The following CPVL variants were observed in gnomAD, a reference collection of about 807,000 sequenced individuals.
The protein encoded by CPVL is carboxypeptidase vitellogenic like.
A neutral mutation model predicts 63.7 loss-of-function variants in CPVL; 51 were observed. That is an observed-to-expected ratio of 0.80 (90% CI 0.64 to 1.01). CPVL has a LOEUF of 1.01. CPVL is among the 50% of genes least tolerant of loss of function. The probability of loss-of-function intolerance (pLI) is 0.00; values close to 1 mark genes in which losing one functional copy is unlikely to be tolerated. For missense variants in CPVL, 530 were observed against 573.1 expected, an observed-to-expected ratio of 0.92 and a Z score of 0.77; for synonymous variants, 195 against 206.0, an observed-to-expected ratio of 0.95 and a Z score of 0.46.
chr7:29,040,718 A>G (rs1235963345), intron 11 of CPVL, among the ~76,000 whole-genome samples: 1 of 152,152 alleles, frequency 6.6e-6, no homozygotes, highest in Non-Finnish European at 1.5e-5. Context: ...TTTTGTCAAG[A>G]TGAATAAAGA....
intron 5 of CPVL, among the ~76,000 whole-genome samples, chr7:29,169,991 C>T (rs1769879861): frequency 6.6e-6 from 1 of 151,984 alleles, no homozygotes; most frequent in Admixed American, 6.6e-5. Flanking sequence ...ATCCTCCTGC[C>T]TCTGCCTCCT....
At chr7:29,023,106 G>C (rs1386240107) in intron 12 of CPVL, among the ~76,000 whole-genome samples, 3 of 152,236 alleles carry the variant, frequency 2.0e-5, no homozygotes, top group Admixed American at 2.0e-4. Flanking sequence ...CTGCCCAGGA[G>C]TTCAGTGATC....
chr7:29,102,717 A>G (rs139950068), intron 3 of CPVL, among the ~76,000 whole-genome samples: 10 of 152,282 alleles, frequency 6.6e-5, no homozygotes, highest in African/African-American at 1.9e-4. Context: ...GCTTTGCCTC[A>G]GAAGCCCTTT....
At chr7:29,195,212 G>A (rs1584688913) in exon 1 of CPVL, 10 of 472,478 alleles carry the variant, frequency 2.1e-5, no homozygotes, top group Non-Finnish European at 3.7e-5. Flanking sequence ...GAGCGGTGGT[G>A]CCCTTAGTGT....
At chr7:29,127,552 T>A (rs558531623) in intron 1 of CPVL, 1 of 152,266 alleles carries the variant, frequency 6.6e-6, no homozygotes, top group East Asian at 1.9e-4. Context: ...CACAACATGA[T>A]AACCCAAAAT....
chr7:29,147,534 A>G (rs1172455538), upstream of CPVL, among the ~76,000 whole-genome samples: 2 of 152,220 alleles, frequency 1.3e-5, no homozygotes, highest in Non-Finnish European at 2.9e-5. Flanking sequence ...GTTTTCTCCT[A>G]AGTACCTACT....
rs571532852 is a variant in CPVL at position 29,002,757 on chromosome 7, C to T, written c.1321-6875G>A. 4.0e-5 allele frequency among the ~76,000 whole-genome samples: 6 copies of T among 150,562 alleles called. No homozygotes were observed. The South Asian group carries it at 1.3e-3, about 32-fold the overall frequency. Reference sequence around the variant, plus strand: ...TGTTCATTGAAATTAAGAACTCGATCGATGTTTTAGCAATAGATTAGGCAT... The same window carrying T: ...TGTTCATTGAAATTAAGAACTCGATTGATGTTTTAGCAATAGATTAGGCAT... On this transcript the variant is annotated intron_variant, in intron 12 of 12. Transcript: ENST00000265394.
chr7:29,066,498 G>A (rs1344204417), intron 9 of CPVL, among the ~76,000 whole-genome samples: 2 of 152,200 alleles, frequency 1.3e-5, no homozygotes, highest in African/African-American at 2.4e-5. Flanking sequence ...ATGTAGAGAG[G>A]AGGTCACAGA....
At chr7:29,058,622 CTT>C (rs1790978941) in intron 11 of CPVL, among the ~76,000 whole-genome samples, 1 of 152,044 alleles carries the variant, frequency 6.6e-6, no homozygotes, top group South Asian at 2.1e-4. Context: ...CTGAGAAAGT[CTT>C]TATTTCTCTT....
chr7:29,130,739 A>C (rs962034747), intron 1 of CPVL, among the ~76,000 whole-genome samples: 5 of 152,222 alleles, frequency 3.3e-5, no homozygotes. Context: ...AAACGACAGA[A>C]TATAACGAAA....
intron 3 of CPVL, among the ~76,000 whole-genome samples, chr7:29,105,286 C>T (rs570780769): frequency 2.6e-5 from 4 of 152,292 alleles, no homozygotes; most frequent in East Asian, 1.9e-4. Flanking sequence ...AGGAAGAAGA[C>T]GTGATCCAGA....
Position 29,030,704 on chromosome 7 carries a change from C to T in CPVL, c.1193G>A (p.Arg398His), listed in dbSNP as rs1052200. 260,498 of 1,612,912 alleles carry T rather than the reference C, an allele frequency of 0.16. 23,012 individuals carry two copies. Among genetic ancestry groups the T allele is most frequent in the East Asian group, 0.3 (13,485 of 44,766 alleles). The change falls in exon 12 of 13, where the codon CGC (arginine) becomes CAC (histidine). Residue 398 changes from arginine (R) to histidine (H), a missense_variant. Transcript: ENST00000265394. ...TTTCCAGTCCATGCCCATCAAGGAG[C>T]GCTCTGTCAGGGCAGCTGCCACGAT... ...DIIVAAALTE[R>H]SLMGMDWKGS...
chr7:29,052,146 A>G (rs1302559520), intron 11 of CPVL, among the ~76,000 whole-genome samples: 1 of 151,778 alleles, frequency 6.6e-6, no homozygotes, highest in East Asian at 1.9e-4. Flanking sequence ...TTGGGGGAAG[A>G]TGGGAGGGTG....
At chr7:29,161,760 G>A (rs188889972) in intron 5 of CPVL, among the ~76,000 whole-genome samples, 46 of 152,248 alleles carry the variant, frequency 3.0e-4, no homozygotes, top group African/African-American at 9.4e-4. Flanking sequence ...CCAACTGGAA[G>A]AAAATATTTG....
intron 2 of CPVL, among the ~76,000 whole-genome samples, chr7:29,117,979 C>T (rs1788946144): frequency 6.6e-6 from 1 of 152,206 alleles, no homozygotes; most frequent in Non-Finnish European, 1.5e-5. Context: ...GTTCCTCCTC[C>T]GAATCTCCAG....
chr7:29,134,632 G>C (rs543545500), intron 1 of CPVL, among the ~76,000 whole-genome samples: 34 of 152,072 alleles, frequency 2.2e-4, no homozygotes, highest in African/African-American at 8.0e-4. Context: ...ATAATCTTAA[G>C]AAATCTTAAG....
intron 12 of CPVL, chr7:29,010,499 C>CT (rs1354882704): frequency 2.0e-5 from 3 of 152,162 alleles, no homozygotes; most frequent in Non-Finnish European, 2.9e-5. Context: ...TCCTATTAGG[C>CT]TGTCATATAG....
chr7:29,171,503 ATCC>A (rs1449745037), intron 5 of CPVL, among the ~76,000 whole-genome samples: 1 of 152,262 alleles, frequency 6.6e-6, no homozygotes, highest in Admixed American at 6.5e-5. Flanking sequence ...TCTACCCAGA[ATCC>A]TCCTCAATTC....
At chr7:29,195,293 T>C (rs1319622858), upstream of CPVL, 4 of 346,696 alleles carry the variant, frequency 1.2e-5, no homozygotes, top group Non-Finnish European at 2.1e-5. Context: ...GCTCGCACTT[T>C]CTGGCGCAGC....
Sources: allele counts gnomAD v4.1 joint callset (sites outside exome capture counted in the v4.1 genomes callset), GRCh38; gene constraint gnomAD v4.1.1; transcripts MANE v1.5; gene names NCBI Gene and HGNC (gene_info 2026-07-23, HGNC 2026-07-21).